The following INO80 variants were observed in gnomAD, a reference collection of about 807,000 sequenced individuals.
The protein encoded by INO80 is INO80 complex ATPase subunit, also known as chromatin-remodeling ATPase INO80.
INO80 carries 20 observed loss-of-function variants against 203.4 expected under a neutral mutation model. The ratio of observed to expected loss-of-function variants is 0.10; its 90% CI spans 0.07 to 0.14. The LOEUF (loss-of-function observed/expected upper bound fraction) is 0.14, where lower values mean the gene tolerates loss of function less well. Among genes scored for constraint, INO80 ranks in the 10% least tolerant of loss-of-function variants. INO80 has a pLI of 1.00. For missense variants in INO80, 1,419 were observed against 1,914.4 expected (o/e 0.74, Z 4.83); for synonymous variants, 726 against 685.2 (o/e 1.06, Z -0.93).
At chr15:41,066,809 C>G (rs967970346) in intron 14 of INO80, among the ~76,000 whole-genome samples, 1 of 91,742 alleles carries the variant, frequency 1.1e-5, no homozygotes. Flanking sequence ...CCTTGGGAGA[C>G]AGAAGGAGAA....
At chr15:41,025,968 G>C (rs1164639006) in intron 25 of INO80, among the ~76,000 whole-genome samples, 1 of 152,134 alleles carries the variant, frequency 6.6e-6, no homozygotes, top group Non-Finnish European at 1.5e-5. Context: ...AAGCTTCTGA[G>C]ACCAAGAATA....
intron 26 of INO80, chr15:41,018,680 G>A (rs764227982): frequency 4.6e-5 from 7 of 152,242 alleles, no homozygotes; most frequent in Non-Finnish European, 1.0e-4. Flanking sequence ...AAGATATGCA[G>A]GAAAAACAGG....
intron 24 of INO80, among the ~76,000 whole-genome samples, chr15:41,037,154 T>TGAA (rs10670218): frequency 1 from 151,593 of 151,604 alleles, 75,791 homozygotes; most frequent in Middle Eastern, 1. Flanking sequence ...ATTTCTCACT[T>TGAA]GAAAAAAGAA....
chr15:40,996,486 T>C (rs766775402), intron 29 of INO80, among the ~76,000 whole-genome samples: 6 of 150,800 alleles, frequency 4.0e-5, no homozygotes, highest in Admixed American at 6.6e-5. Context: ...CACGCCCGGC[T>C]ATTTTTTTTG....
At chr15:41,009,257 G>T (rs1352581996) in intron 27 of INO80, among the ~76,000 whole-genome samples, 38 of 144,814 alleles carry the variant, frequency 2.6e-4, no homozygotes, top group Non-Finnish European at 5.1e-4. Flanking sequence ...TATACTTTAA[G>T]TTTTAGGGTA....
chr15:41,083,049 G>A (rs1218426130), intron 7 of INO80, among the ~76,000 whole-genome samples: 3 of 151,960 alleles, frequency 2.0e-5, no homozygotes, highest in East Asian at 1.9e-4. Context: ...ATGGGAGGCC[G>A]AGGCGCACAG....
chr15:40,997,105 C>T (rs1221561664), intron 29 of INO80, among the ~76,000 whole-genome samples: 1 of 152,038 alleles, frequency 6.6e-6, no homozygotes, highest in African/African-American at 2.4e-5. Context: ...GGCAAAACCC[C>T]ATCTCTACAA....
Position 40,978,997 on chromosome 15 carries a change from AAG to A in INO80, c.*1224_*1225del, listed in dbSNP as rs1893704720. 1 of 152,664 alleles carries A rather than the reference AAG, an allele frequency of 6.6e-6. No homozygotes were observed. Among genetic ancestry groups the A allele is most frequent in the African/African-American group, 2.4e-5 (1 of 41,446 alleles). The allele number at this position is 152,664 out of a possible 1,614,324, so 9.5% of individuals were successfully genotyped here. A position where few individuals can be genotyped will look rare whatever the true frequency, so the allele number is the denominator to read the frequency against. ...TTCAGTTATAAAAATAGCACATTCAAAGAGAAAAGGCTTGGCATTTTTCTGAT... is the reference window on the plus strand; with the variant it reads ...TTCAGTTATAAAAATAGCACATTCAAAGAAAAGGCTTGGCATTTTTCTGAT... On this transcript the variant is annotated 3_prime_UTR_variant, in exon 36 of 36. Transcript: ENST00000648947.
intron 14 of INO80, among the ~76,000 whole-genome samples, chr15:41,066,863 A>G (rs573462109): frequency 6.9e-6 from 1 of 145,254 alleles, no homozygotes; most frequent in Non-Finnish European, 1.5e-5. Context: ...AAAAAAAAAA[A>G]TCAAAAGAGG....
At chr15:41,088,087 CTTTTTT>C (rs943111352) in intron 5 of INO80, among the ~76,000 whole-genome samples, 4 of 101,082 alleles carry the variant, frequency 4.0e-5, no homozygotes, top group African/African-American at 1.2e-4. Context: ...GCTTGCTTTT[CTTTTTT>C]TTTTTTTTTT....
intron 29 of INO80, among the ~76,000 whole-genome samples, chr15:40,990,448 A>G (rs1193993031): frequency 6.6e-6 from 1 of 151,902 alleles, no homozygotes; most frequent in Non-Finnish European, 1.5e-5. Context: ...GCAGCCCCAA[A>G]CTCCTGGGCT....
At chr15:41,049,479 C>T in intron 20 of INO80, 59 bp from the exon 21 acceptor site, 1 of 1,506,964 alleles carries the variant, frequency 6.6e-7, no homozygotes, top group Non-Finnish European at 9.1e-7. Flanking sequence ...TACGTAATGA[C>T]AGGGGATCCC....
intron 27 of INO80, 25 bp downstream of exon 27, chr15:41,016,063 A>AG (rs751148056): frequency 8.1e-6 from 13 of 1,598,120 alleles, no homozygotes; most frequent in Admixed American, 1.7e-5. Context: ...AAGGTATCCT[A>AG]GGTCCCCAAG....
chr15:41,106,327 C>T (rs1224068133), intron 1 of INO80, among the ~76,000 whole-genome samples: 2 of 142,178 alleles, frequency 1.4e-5, no homozygotes, highest in African/African-American at 2.6e-5. Context: ...GAGGTTGCTG[C>T]GGGCTGAGAT....
chr15:41,115,817 G>C (rs959514931), intron 1 of INO80, among the ~76,000 whole-genome samples, 156 bp downstream of exon 1: 1 of 152,226 alleles, frequency 6.6e-6, no homozygotes, highest in African/African-American at 2.4e-5. Flanking sequence ...CCTGCGGGGA[G>C]TGTCCACACC....
intron 14 of INO80, among the ~76,000 whole-genome samples, chr15:41,067,070 C>T (rs888903287): frequency 6.6e-6 from 1 of 151,876 alleles, no homozygotes; most frequent in Non-Finnish European, 1.5e-5. Context: ...AATTTTAAGA[C>T]CTTTTATTTT....
At chr15:41,017,940 T>A (rs1183031388) in intron 26 of INO80, 1 of 152,216 alleles carries the variant, frequency 6.6e-6, no homozygotes, top group African/African-American at 2.4e-5. Flanking sequence ...CTGTATAAAT[T>A]CCAAGTCTGA....
At chr15:41,072,429 A>T (rs962207684) in intron 11 of INO80, among the ~76,000 whole-genome samples, 19 of 151,864 alleles carry the variant, frequency 1.3e-4, no homozygotes, top group Non-Finnish European at 2.1e-4. Context: ...CATACATAAC[A>T]AAGAGCTTGG....
intron 16 of INO80, 69 bp downstream of exon 16, chr15:41,058,566 TGTGC>T (rs915774914): frequency 0.012 from 11,329 of 921,590 alleles, no homozygotes; most frequent in South Asian, 0.017. Flanking sequence ...TGTGTGTGTG[TGTGC>T]GTGTGTGTGT....
Sources: allele counts gnomAD v4.1 joint callset (sites outside exome capture counted in the v4.1 genomes callset), GRCh38; gene constraint gnomAD v4.1.1; transcripts MANE v1.5; gene names NCBI Gene and HGNC (gene_info 2026-07-23, HGNC 2026-07-21).